SHTN1: variants seen among roughly 807,000 people sequenced by gnomAD.
SHTN1 encodes the protein shootin-1.
A neutral mutation model predicts 83.1 loss-of-function variants in SHTN1; 42 were observed. The observed-to-expected ratio is 0.51, with a 90% CI of 0.39 to 0.65. The LOEUF (loss-of-function observed/expected upper bound fraction) is 0.65, where lower values mean the gene tolerates loss of function less well. Among genes scored for constraint, SHTN1 ranks in the 30% least tolerant of loss-of-function variants. SHTN1 has a pLI of 0.00. For missense variants in SHTN1, 622 were observed against 737.8 expected (o/e 0.84, Z 1.82); for synonymous variants, 224 against 247.7 (o/e 0.90, Z 0.90).
At chr10:117,122,502 G>A (rs930240601) in intron 1 of SHTN1, among the ~76,000 whole-genome samples, 1 of 152,086 alleles carries the variant, frequency 6.6e-6, no homozygotes, top group Non-Finnish European at 1.5e-5. Context: ...AAATATTTTC[G>A]ATCCATAGTT....
At chr10:116,933,048 G>C (rs1324454707) in intron 9 of SHTN1, among the ~76,000 whole-genome samples, 2 of 152,126 alleles carry the variant, frequency 1.3e-5, no homozygotes, top group Admixed American at 6.5e-5. Context: ...ACAAAAGAAA[G>C]AATGAAATTC....
intron 1 of SHTN1, among the ~76,000 whole-genome samples, chr10:116,981,982 C>T (rs926056269): frequency 1.3e-5 from 2 of 152,096 alleles, no homozygotes; most frequent in Admixed American, 6.5e-5. Flanking sequence ...CGCTTGATCC[C>T]GGGAGGCAGA....
intron 2 of SHTN1, among the ~76,000 whole-genome samples, chr10:117,014,160 A>G (rs1304203562): frequency 6.6e-6 from 1 of 152,150 alleles, no homozygotes; most frequent in East Asian, 1.9e-4. Context: ...GGTTGAATAT[A>G]AAGGGGGAAT....
At chr10:117,004,885 G>T in intron 1 of SHTN1, 137 bp downstream of exon 1, 1 of 671,172 alleles carries the variant, frequency 1.5e-6, no homozygotes, top group East Asian at 3.1e-5. Context: ...TTCTCTGCGG[G>T]TGACGGAGCT....
upstream of SHTN1, chr10:117,005,402 G>C (rs1851984869): frequency 3.4e-6 from 4 of 1,173,634 alleles, no homozygotes. Flanking sequence ...TGGTGGGAGG[G>C]GGGGCGGCCC....
upstream of SHTN1, among the ~76,000 whole-genome samples, chr10:117,009,334 T>C (rs1374835991): frequency 1.3e-5 from 2 of 152,116 alleles, no homozygotes; most frequent in African/African-American, 4.8e-5. Context: ...TAACTTTAAA[T>C]GAAGATGGCT....
At chr10:117,052,738 G>A (rs184756639) in intron 1 of SHTN1, among the ~76,000 whole-genome samples, 1 of 151,836 alleles carries the variant, frequency 6.6e-6, no homozygotes, top group Non-Finnish European at 1.5e-5. Flanking sequence ...AATTAAGTTG[G>A]GCCGAGTGCG....
intron 1 of SHTN1, among the ~76,000 whole-genome samples, chr10:117,110,808 C>T (rs1564962664): frequency 6.7e-6 from 1 of 149,678 alleles, no homozygotes; most frequent in Non-Finnish European, 1.5e-5. Context: ...AGGCACCAGG[C>T]TCAGCATTTT....
At chr10:116,905,631 C>A (rs1289231981) in intron 15 of SHTN1, among the ~76,000 whole-genome samples, 1 of 152,148 alleles carries the variant, frequency 6.6e-6, no homozygotes, top group Non-Finnish European at 1.5e-5. Context: ...TGATCAAAAA[C>A]CCATCTTTAA....
intron 15 of SHTN1, 69 bp from the exon 16 acceptor site, chr10:116,902,026 C>G: frequency 1.5e-6 from 2 of 1,345,758 alleles, no homozygotes; most frequent in East Asian, 2.7e-5. Flanking sequence ...TACTGAAAAA[C>G]AGATTAGCTG....
chr10:117,020,499 CAA>C (rs375685514), intron 2 of SHTN1, among the ~76,000 whole-genome samples: 2 of 109,396 alleles, frequency 1.8e-5, no homozygotes, highest in African/African-American at 3.6e-5. Context: ...GACTCCGTCT[CAA>C]AAAAAAAAAA....
At chr10:117,098,814 A>G (rs906945730) in intron 1 of SHTN1, among the ~76,000 whole-genome samples, 19 of 152,268 alleles carry the variant, frequency 1.2e-4, no homozygotes, top group Admixed American at 3.9e-4. Flanking sequence ...TGATGGAGAC[A>G]CAATTTGTGT....
At chr10:116,989,218 A>T (rs1851330281) in intron 1 of SHTN1, among the ~76,000 whole-genome samples, 1 of 152,236 alleles carries the variant, frequency 6.6e-6, no homozygotes, top group Admixed American at 6.5e-5. Context: ...GCAATATCTT[A>T]CATTAGTATG....
At chr10:116,996,955 T>C (rs1279888755) in intron 1 of SHTN1, among the ~76,000 whole-genome samples, 1 of 152,212 alleles carries the variant, frequency 6.6e-6, no homozygotes, top group African/African-American at 2.4e-5. Flanking sequence ...AGGGGAGAAC[T>C]GAAGGAAACC....
chr10:117,125,884 A>G (rs1162268765), intron 1 of SHTN1, among the ~76,000 whole-genome samples: 3 of 152,156 alleles, frequency 2.0e-5, no homozygotes, highest in Admixed American at 2.0e-4. Context: ...CCTCAGTAAA[A>G]TGGGCTGATG....
At chr10:116,900,406 C>A in intron 16 of SHTN1, 1 of 776,018 alleles carries the variant, frequency 1.3e-6, no homozygotes. Context: ...ACTGTCAATT[C>A]AACACATATT....
intron 1 of SHTN1, among the ~76,000 whole-genome samples, chr10:117,116,380 C>G (rs1853848081): frequency 6.6e-6 from 1 of 151,914 alleles, no homozygotes; most frequent in Admixed American, 6.6e-5. Flanking sequence ...AATAGAAAAC[C>G]TCAACAAACC....
At chr10:117,040,125 G>C (rs74159022) in intron 2 of SHTN1, among the ~76,000 whole-genome samples, 3,117 of 152,184 alleles carry the variant, frequency 0.02, 114 homozygotes, top group African/African-American at 0.071. Context: ...CTGATCAATA[G>C]ATTGAATACA....
In SHTN1 at chr10:116,987,822, G is replaced by A. The variant is rs147251804; in HGVS notation, c.59-8514C>T. On this transcript the variant is annotated intron_variant, in intron 1 of 16. Transcript: ENST00000355371. The stretch of plus-strand genomic sequence containing the variant: ...CCCAGCTACCAGGGAGGCTGAGGCA[G>A]GAGAATCACTTGAACCGAGGAGGCG... 5.1e-3 allele frequency among the ~76,000 whole-genome samples: 771 copies of A among 152,140 alleles called. 2 individuals are homozygous for A. The highest frequency in any genetic ancestry group is 9.6e-3 in the Admixed American group (147 of 15,296).
Sources: gnomAD v4.1 joint callset for allele counts (sites outside exome capture counted in the v4.1 genomes callset) on GRCh38, gnomAD v4.1.1 for gene constraint, MANE v1.5 for transcripts, NCBI Gene and HGNC (gene_info 2026-07-23, HGNC 2026-07-21) for gene names.